DIPK2B: variants seen among roughly 807,000 people sequenced by gnomAD.
The protein encoded by DIPK2B is UPF0672 protein CXorf36.
DIPK2B carries 15 observed loss-of-function variants against 22.2 expected under a neutral mutation model. The ratio of observed to expected loss-of-function variants is 0.68; its 90% CI spans 0.45 to 1.04. The LOEUF is 1.04. Among genes scored for constraint, DIPK2B ranks in the 50% least tolerant of loss-of-function variants. The probability of loss-of-function intolerance (pLI) is 0.00; values close to 1 mark genes in which losing one functional copy is unlikely to be tolerated. For synonymous variants in DIPK2B, 163 were observed against 153.2 expected (o/e 1.06, Z -0.47); for missense variants, 345 against 348.3 (o/e 0.99, Z 0.08).
intron 3 of DIPK2B, 129 bp downstream of exon 3, chrX:45,157,586 A>G (rs1414108616): frequency 1.2e-5 from 8 of 677,320 alleles, no homozygotes; most frequent in Non-Finnish European, 1.3e-5. Context: ...AACACATGCC[A>G]GAAAGGTCCT....
rs754471983 is a variant in DIPK2B at position 45,154,163 on chromosome X, C to T, written c.708G>A (p.Lys236=). The change falls in exon 4 of 5, where the codon AAG becomes AAA. Residue 236 remains lysine (K), a synonymous_variant. Coordinates refer to ENST00000398000, the MANE Select transcript of DIPK2B (RefSeq NM_176819.4). ...GGAATCTGCCACAGGAGCCCAGGTA[C>T]TTGGGCAGCGGCCATCCCTCAGCCC... ...FPGAEGWPLP[K]YLGSCGRFLV... 3.3e-5 allele frequency: 40 copies of T among 1,205,798 alleles called. No homozygotes were observed. The South Asian group carries it at 4.4e-4, about 13-fold the overall frequency.
chrX:45,161,916 G>A (rs1296502318), intron 2 of DIPK2B, among the ~76,000 whole-genome samples: 1 of 111,953 alleles, frequency 8.9e-6, no homozygotes, highest in East Asian at 2.8e-4. Context: ...TCCCTCCTGT[G>A]GAATATAGAC....
intron 2 of DIPK2B, among the ~76,000 whole-genome samples, chrX:45,171,536 C>T (rs1297169725): frequency 9.0e-6 from 1 of 111,148 alleles, no homozygotes; most frequent in Non-Finnish European, 1.9e-5. Context: ...CCCCAGCCCT[C>T]ACCCTACCCA....
intron 2 of DIPK2B, among the ~76,000 whole-genome samples, chrX:45,184,225 C>T (rs925233236): frequency 5.4e-5 from 6 of 111,121 alleles, no homozygotes; most frequent in Non-Finnish European, 1.1e-4. Flanking sequence ...CTGTATGATT[C>T]CAGGGCGTAG....
chrX:45,192,137 C>T (rs1375663839), intron 1 of DIPK2B, 122 bp from the exon 2 acceptor site: 3 of 723,166 alleles, frequency 4.1e-6, no homozygotes, highest in Admixed American at 3.9e-5. Context: ...CTGAGGTGTT[C>T]GAAATTCTTT....
intron 2 of DIPK2B, among the ~76,000 whole-genome samples, chrX:45,167,282 G>T: frequency 9.0e-6 from 1 of 110,590 alleles, no homozygotes; most frequent in East Asian, 2.8e-4. Context: ...CATGAGCCTA[G>T]GAGTTCCAGA....
chrX:45,182,044 C>T (rs2047157116), intron 2 of DIPK2B, among the ~76,000 whole-genome samples: 1 of 102,506 alleles, frequency 9.8e-6, no homozygotes, highest in Non-Finnish European at 2.0e-5. Context: ...TGCCACTGCA[C>T]TCCAGCTTGG....
intron 2 of DIPK2B, chrX:45,191,470 C>T (rs1265122114): frequency 1.2e-5 from 4 of 335,772 alleles, no homozygotes; most frequent in Non-Finnish European, 2.1e-5. Context: ...GTCATCCTGT[C>T]AGATCTTCAG....
At chrX:45,178,119 C>T (rs1235820380) in intron 2 of DIPK2B, among the ~76,000 whole-genome samples, 1 of 111,674 alleles carries the variant, frequency 9.0e-6, no homozygotes, top group Non-Finnish European at 1.9e-5. Flanking sequence ...TCAGACTCTC[C>T]TCTGGATCCC....
chrX:45,191,113 T>C, intron 2 of DIPK2B, among the ~76,000 whole-genome samples: 1 of 111,976 alleles, frequency 8.9e-6, no homozygotes, highest in Non-Finnish European at 1.9e-5. Flanking sequence ...AGGATTGTAC[T>C]TGAGATGATA....
intron 2 of DIPK2B, among the ~76,000 whole-genome samples, chrX:45,166,794 C>G (rs1215300782): frequency 8.9e-6 from 1 of 112,189 alleles, no homozygotes; most frequent in Non-Finnish European, 1.9e-5. Flanking sequence ...GTGGCTTTTC[C>G]AAGATTAAAA....
In DIPK2B at chrX:45,169,235, T is replaced by C. The variant is rs868400993; in HGVS notation, c.499-11347A>G. Among the ~76,000 whole-genome samples, 20 of 111,902 alleles carry C rather than the reference T, an allele frequency of 1.8e-4. No homozygotes were observed. In the South Asian group the frequency reaches 4.5e-3, roughly 25 times the overall value. On this transcript the variant is annotated intron_variant, in intron 2 of 4. Coordinates refer to ENST00000398000, the MANE Select transcript of DIPK2B (RefSeq NM_176819.4). ...CATGAGGGCGTTGAGAGGGTCAAGGTTGTGAGAACAGTGTCTGGTACATGG... is the reference window on the plus strand; with the variant it reads ...CATGAGGGCGTTGAGAGGGTCAAGGCTGTGAGAACAGTGTCTGGTACATGG...
intron 2 of DIPK2B, among the ~76,000 whole-genome samples, chrX:45,159,047 G>A (rs941901045): frequency 9.0e-5 from 10 of 110,985 alleles, no homozygotes; most frequent in African/African-American, 3.3e-4. Context: ...GGAGGCCATA[G>A]AAAATGATTT....
At position 45,151,166 on chromosome X, in the gene DIPK2B, G is replaced by A; in HGVS notation, c.*486C>T. ...GCCCCTCTTGTCCGAGTCTAAAGTG[G>A]TAGTGGCAGGGAGCCTGTCCTTCCC... is the stretch of plus-strand genomic sequence containing the variant. On this transcript the variant is annotated 3_prime_UTR_variant, in exon 5 of 5. Transcript: ENST00000398000. The A allele has an allele frequency of 8.7e-6, 1 of 115,532 alleles. No homozygotes were observed. The highest frequency in any genetic ancestry group is 1.8e-5 in the Non-Finnish European group (1 of 56,126). The allele number at this position is 115,532 out of a possible 1,213,427, so 9.5% of individuals were successfully genotyped here. A position where few individuals can be genotyped will look rare whatever the true frequency, so the allele number is the denominator to read the frequency against.
At chrX:45,196,554 T>A (rs1189290800) in intron 1 of DIPK2B, among the ~76,000 whole-genome samples, 3 of 110,923 alleles carry the variant, frequency 2.7e-5, no homozygotes, top group Non-Finnish European at 5.7e-5. Context: ...TGTTTAAACA[T>A]TTTTTTTAGA....
chrX:45,151,679 T>C lies in DIPK2B; in HGVS notation c.1275A>G (p.Pro425=). ...AGAACTTATCGTTATATTTGCAATC[T>C]GGGTAACGATAGGCAAATCTGGAGT... ...TCDSRFAYRY[P]DCKYNDKF The change falls in exon 5 of 5, where the codon CCA becomes CCG. Residue 425 remains proline (P), a synonymous_variant. Transcript: ENST00000398000. The C allele has an allele frequency of 8.3e-7, 1 of 1,211,477 alleles. No homozygotes were observed. The highest frequency in any genetic ancestry group is 1.1e-6 in the Non-Finnish European group (1 of 895,229).
At chrX:45,178,888 T>A (rs1007944233) in intron 2 of DIPK2B, among the ~76,000 whole-genome samples, 3 of 111,588 alleles carry the variant, frequency 2.7e-5, no homozygotes, top group Non-Finnish European at 5.6e-5. Flanking sequence ...TCTTAGTGAA[T>A]ATCCTGGGCT....
chrX:45,156,386 A>G (rs1169456869), intron 3 of DIPK2B, among the ~76,000 whole-genome samples: 4 of 111,994 alleles, frequency 3.6e-5, no homozygotes, highest in Non-Finnish European at 5.6e-5. Flanking sequence ...CTTCCTGGGC[A>G]GAGCCCAGGG....
chrX:45,156,674 A>T (rs1300623756), intron 3 of DIPK2B, among the ~76,000 whole-genome samples: 3 of 111,021 alleles, frequency 2.7e-5, no homozygotes, highest in Non-Finnish European at 5.7e-5. Context: ...ACTCCACTGA[A>T]TCTCATCTGG....
Sources: gnomAD v4.1 joint callset for allele counts (sites outside exome capture counted in the v4.1 genomes callset) on GRCh38, gnomAD v4.1.1 for gene constraint, MANE v1.5 for transcripts, NCBI Gene and HGNC (gene_info 2026-07-23, HGNC 2026-07-21) for gene names.